HPSE2: variants seen among roughly 807,000 people sequenced by gnomAD.
HPSE2 encodes the protein heparanase 2 (inactive).
A neutral mutation model predicts 60.5 loss-of-function variants in HPSE2; 38 were observed. The ratio of observed to expected loss-of-function variants is 0.63; its 90% CI spans 0.48 to 0.82. The LOEUF is 0.82. Among genes scored for constraint, HPSE2 ranks in the 40% least tolerant of loss-of-function variants. The pLI is 0.00. For synonymous variants in HPSE2, 295 were observed against 293.2 expected, an observed-to-expected ratio of 1.01 and a Z score of -0.06; for missense variants, 713 against 740.4, an observed-to-expected ratio of 0.96 and a Z score of 0.43.
intron 3 of HPSE2, among the ~76,000 whole-genome samples, chr10:99,003,054 T>A (rs1956811701): frequency 6.6e-6 from 1 of 152,136 alleles, no homozygotes; most frequent in Non-Finnish European, 1.5e-5. Flanking sequence ...CACTCTACCC[T>A]CTACTTCTCT....
intron 3 of HPSE2, among the ~76,000 whole-genome samples, chr10:99,109,437 G>C (rs1340401391): frequency 1.3e-5 from 2 of 152,098 alleles, no homozygotes; most frequent in African/African-American, 2.4e-5. Flanking sequence ...ATGCTAAAAT[G>C]ATGACTTCAG....
At chr10:99,276,935 T>G in the HPSE2 span, among the ~76,000 whole-genome samples, 1 of 152,216 alleles carries the variant, frequency 6.6e-6, no homozygotes, top group African/African-American at 2.4e-5. Flanking sequence ...TGAAACCATT[T>G]ATACTTCTGT....
chr10:98,799,063 A>G (rs1489224660), intron 3 of HPSE2, among the ~76,000 whole-genome samples: 1 of 152,190 alleles, frequency 6.6e-6, no homozygotes, highest in East Asian at 1.9e-4. Flanking sequence ...CTATAAAGAT[A>G]CACATAGACT....
chr10:99,159,984 T>C (rs1408166801), intron 2 of HPSE2, among the ~76,000 whole-genome samples: 1 of 151,416 alleles, frequency 6.6e-6, no homozygotes, highest in African/African-American at 2.4e-5. Flanking sequence ...CTACTAAAAA[T>C]ATAAAAGTTA....
At chr10:99,001,660 G>A (rs183210413) in intron 3 of HPSE2, among the ~76,000 whole-genome samples, 3 of 152,206 alleles carry the variant, frequency 2.0e-5, no homozygotes, top group African/African-American at 7.2e-5. Context: ...AAACTGTAAT[G>A]GCCAAAGGAC....
At position 98,693,146 on chromosome 10, in the gene HPSE2, G is replaced by A. The variant is rs570477717; in HGVS notation, c.1004+754C>T. On this transcript the variant is annotated intron_variant, in intron 6 of 11. Transcript: ENST00000370552. The stretch of plus-strand genomic sequence containing the variant: ...AGTAAAAGCACAGTCTGAGTTGAGA[G>A]CACCACATTAGACAAGAGATGATTT... 3.6e-4 allele frequency among the ~76,000 whole-genome samples: 55 copies of A among 152,280 alleles called. 2 individuals carry two copies. The South Asian group carries it at 0.011, about 32-fold the overall frequency.
At position 99,231,719 on chromosome 10, in the gene HPSE2, G is replaced by GA. The variant is rs754225837; in HGVS notation, c.448+628dup. 2.3e-3 allele frequency among the ~76,000 whole-genome samples: 345 copies of GA among 151,966 alleles called. 2 individuals carry two copies. Among genetic ancestry groups the GA allele is most frequent in the Non-Finnish European group, 2.0e-3 (137 of 67,998 alleles). ...AACAGAAAAAAAAAAATGCAACTCTGAGATTAGGCAATCTGAAGAAGAACT... is the reference window on the plus strand; with the variant it reads ...AACAGAAAAAAAAAAATGCAACTCTGAAGATTAGGCAATCTGAAGAAGAACT... On this transcript the variant is annotated intron_variant, in intron 2 of 11. Coordinates refer to ENST00000370552, the MANE Select transcript of HPSE2 (RefSeq NM_021828.5).
chr10:98,581,091 C>A (rs1000355977), intron 9 of HPSE2, among the ~76,000 whole-genome samples: 1 of 151,486 alleles, frequency 6.6e-6, no homozygotes, highest in Admixed American at 6.6e-5. Flanking sequence ...TAGGTGCGTG[C>A]CAACACGCCT....
chr10:98,737,232 C>A (rs1949381856), intron 4 of HPSE2, among the ~76,000 whole-genome samples: 1 of 141,688 alleles, frequency 7.1e-6, no homozygotes, highest in Admixed American at 7.8e-5. Flanking sequence ...GTTATATACA[C>A]ATAAAAATAC....
the HPSE2 span, among the ~76,000 whole-genome samples, chr10:99,280,501 C>A: frequency 1.3e-5 from 2 of 152,160 alleles, no homozygotes; most frequent in African/African-American, 2.4e-5. Context: ...ATGATTACTT[C>A]AACTTCCCTT....
intron 9 of HPSE2, among the ~76,000 whole-genome samples, chr10:98,525,962 C>T (rs374053498): frequency 6.6e-6 from 1 of 152,198 alleles, no homozygotes; most frequent in East Asian, 1.9e-4. Context: ...GGCAAAATCG[C>T]AGGAACAACA....
At chr10:99,200,785 T>C (rs1848550178) in intron 2 of HPSE2, among the ~76,000 whole-genome samples, 1 of 152,170 alleles carries the variant, frequency 6.6e-6, no homozygotes, top group African/African-American at 2.4e-5. Context: ...AGCAGCACAT[T>C]ATTAGCTACA....
At chr10:99,090,165 T>C (rs1298050507) in intron 3 of HPSE2, among the ~76,000 whole-genome samples, 2 of 152,160 alleles carry the variant, frequency 1.3e-5, no homozygotes, top group African/African-American at 4.8e-5. Context: ...CCTTTACTTC[T>C]TTCTCTTGTT....
intron 2 of HPSE2, among the ~76,000 whole-genome samples, chr10:99,169,455 A>AGAT (rs1468962117): frequency 3.3e-5 from 4 of 122,486 alleles, no homozygotes; most frequent in Non-Finnish European, 6.4e-5. Context: ...CAGTGAGCCA[A>AGAT]GATGGCACCA....
chr10:99,011,520 G>A (rs757691250), intron 3 of HPSE2, among the ~76,000 whole-genome samples: 16 of 152,010 alleles, frequency 1.1e-4, no homozygotes, highest in Non-Finnish European at 1.6e-4. Context: ...CACTTTGGGA[G>A]GCTGAGGCAG....
intron 3 of HPSE2, among the ~76,000 whole-genome samples, chr10:99,091,926 AT>A (rs1024820321): frequency 1.3e-5 from 2 of 152,154 alleles, no homozygotes; most frequent in Non-Finnish European, 2.9e-5. Flanking sequence ...AGTTGCTGTC[AT>A]TTTTGTTACA....
chr10:98,692,990 C>T (rs1948118715), intron 6 of HPSE2, among the ~76,000 whole-genome samples: 1 of 152,198 alleles, frequency 6.6e-6, no homozygotes, highest in Non-Finnish European at 1.5e-5. Context: ...TCTTTCACAT[C>T]TGTAATGAAT....
At chr10:99,184,823 G>T (rs1346035602) in intron 2 of HPSE2, among the ~76,000 whole-genome samples, 13,289 of 27,288 alleles carry the variant, frequency 0.49, 3,949 homozygotes, top group Non-Finnish European at 0.69. Flanking sequence ...TATATATAGA[G>T]AGAGAGAGAG....
chr10:98,984,761 G>A (rs1284915189), intron 3 of HPSE2, among the ~76,000 whole-genome samples: 1 of 152,112 alleles, frequency 6.6e-6, no homozygotes, highest in Non-Finnish European at 1.5e-5. Flanking sequence ...TAGAGGAATG[G>A]CTAACTAGAA....
Sources: gnomAD v4.1 joint callset for allele counts (sites outside exome capture counted in the v4.1 genomes callset) on GRCh38, gnomAD v4.1.1 for gene constraint, MANE v1.5 for transcripts, NCBI Gene and HGNC (gene_info 2026-07-23, HGNC 2026-07-21) for gene names.